Variants in SPATA7 observed in about 807,000 individuals in gnomAD.
SPATA7 encodes spermatogenesis-associated protein 7.
In SPATA7, 43 loss-of-function variants were observed where a neutral mutation model predicts 51.8. The ratio of observed to expected loss-of-function variants is 0.83; its 90% CI spans 0.65 to 1.07. The LOEUF is 1.07. Among genes scored for constraint, SPATA7 ranks in the 50% least tolerant of loss-of-function variants. SPATA7 has a pLI of 0.00. For synonymous variants in SPATA7, 230 were observed against 252.8 expected, an observed-to-expected ratio of 0.91 and a Z score of 0.86; for missense variants, 683 against 701.3, an observed-to-expected ratio of 0.97 and a Z score of 0.30.
At chr14:88,420,929 C>T (rs1319933296) in intron 5 of SPATA7, among the ~76,000 whole-genome samples, 1 of 151,944 alleles carries the variant, frequency 6.6e-6, no homozygotes, top group East Asian at 1.9e-4. Flanking sequence ...TCCTGGCCAA[C>T]ATGGTGAAAC....
intron 4 of SPATA7, among the ~76,000 whole-genome samples, chr14:88,398,063 G>A (rs1004929699): frequency 2.0e-5 from 3 of 149,384 alleles, no homozygotes; most frequent in African/African-American, 7.4e-5. Context: ...GCCTGGGCGA[G>A]AGAGCAAGAC....
chr14:88,446,680 G>T (rs947793743), intron 3 of SPATA7, among the ~76,000 whole-genome samples: 6 of 151,622 alleles, frequency 4.0e-5, no homozygotes, highest in Admixed American at 6.6e-5. Context: ...TCTGGTATGT[G>T]GTGTCTTTGT....
At chr14:88,448,127 A>G (rs1371128569) in intron 3 of SPATA7, among the ~76,000 whole-genome samples, 1 of 152,128 alleles carries the variant, frequency 6.6e-6, no homozygotes, top group African/African-American at 2.4e-5. Context: ...TACACCAATC[A>G]GACGTAGATT....
chr14:88,433,133 A>G lies in SPATA7; in HGVS notation c.1083-2A>G, dbSNP rs2076984386. 1 of 1,609,986 alleles carries G rather than the reference A, an allele frequency of 6.2e-7. No homozygotes were observed. Among genetic ancestry groups the G allele is most frequent in the Non-Finnish European group, 8.5e-7 (1 of 1,178,022 alleles). The stretch of plus-strand genomic sequence containing the variant: ...ATGCTATATATTGCCTTCCTTTTAC[A>G]GTGAAGAAGAACTGTTGTATCTGAG... On this transcript the variant is annotated splice_acceptor_variant, in intron 9 of 11. Transcript: ENST00000393545. LOFTEE classifies it high-confidence loss of function.
chr14:88,430,920 C>A (rs73327464), intron 8 of SPATA7, among the ~76,000 whole-genome samples: 5,375 of 152,142 alleles, frequency 0.035, 314 homozygotes, highest in African/African-American at 0.12. Flanking sequence ...TGTAATTCAC[C>A]ATACTCCAAA....
downstream of SPATA7, among the ~76,000 whole-genome samples, chr14:88,457,531 GTGAT>G (rs2077291834): frequency 6.6e-6 from 1 of 152,170 alleles, no homozygotes; most frequent in African/African-American, 2.4e-5. Context: ...CTGTTCGTCT[GTGAT>G]TTGTGTATAA....
intron 3 of SPATA7, among the ~76,000 whole-genome samples, chr14:88,452,851 T>G (rs1400036457): frequency 6.6e-6 from 1 of 152,194 alleles, no homozygotes; most frequent in Non-Finnish European, 1.5e-5. Flanking sequence ...CCAGTTCATG[T>G]CCTGCCATCC....
chr14:88,433,918 A>G (rs1056674280), intron 10 of SPATA7, among the ~76,000 whole-genome samples: 2 of 152,210 alleles, frequency 1.3e-5, no homozygotes, highest in Non-Finnish European at 2.9e-5. Flanking sequence ...AAAAAGGCAT[A>G]TCAAAAAGAC....
chr14:88,420,222 G>C (rs1488418144), intron 5 of SPATA7, among the ~76,000 whole-genome samples: 1 of 152,136 alleles, frequency 6.6e-6, no homozygotes, highest in South Asian at 2.1e-4. Flanking sequence ...GGAAAAGCCT[G>C]CAAGAGGTAC....
chr14:88,411,149 C>A (rs190191799), intron 4 of SPATA7, among the ~76,000 whole-genome samples: 83 of 152,292 alleles, frequency 5.5e-4, no homozygotes, highest in African/African-American at 1.9e-3. Flanking sequence ...GTCTGAACTT[C>A]CTGGCGGCTT....
At chr14:88,407,701 G>A (rs528972338) in intron 4 of SPATA7, among the ~76,000 whole-genome samples, 2 of 152,304 alleles carry the variant, frequency 1.3e-5, no homozygotes, top group East Asian at 3.9e-4. Context: ...GTCCTGAATG[G>A]TATTGCCTAG....
At chr14:88,393,729 A>G in intron 3 of SPATA7, 1 of 319,062 alleles carries the variant, frequency 3.1e-6, no homozygotes, top group Non-Finnish European at 5.8e-6. Context: ...TCTATTGCTA[A>G]TAATATTTTG....
intron 4 of SPATA7, among the ~76,000 whole-genome samples, chr14:88,406,527 T>C (rs941994946): frequency 6.6e-6 from 1 of 152,028 alleles, no homozygotes; most frequent in Non-Finnish European, 1.5e-5. Context: ...TGATCTTTAA[T>C]CAATTTGTAA....
chr14:88,393,567 A>G (rs771501362), intron 3 of SPATA7, 79 bp downstream of exon 3: 35 of 994,934 alleles, frequency 3.5e-5, no homozygotes, highest in Non-Finnish European at 5.0e-5. Flanking sequence ...TATCTATAGC[A>G]AAAATGAATA....
intron 4 of SPATA7, among the ~76,000 whole-genome samples, chr14:88,404,086 A>G (rs1481501611): frequency 6.6e-6 from 1 of 152,180 alleles, no homozygotes; most frequent in Non-Finnish European, 1.5e-5. Context: ...ATATAAACTT[A>G]AATAGAATGG....
intron 3 of SPATA7, among the ~76,000 whole-genome samples, chr14:88,394,896 T>C (rs1213722180): frequency 6.6e-6 from 1 of 152,162 alleles, no homozygotes; most frequent in African/African-American, 2.4e-5. Context: ...GCCTTATTAC[T>C]TCCCATCTGT....
chr14:88,459,734 T>C (rs921460235), downstream of SPATA7, among the ~76,000 whole-genome samples: 1 of 152,226 alleles, frequency 6.6e-6, no homozygotes, highest in Non-Finnish European at 1.5e-5. Context: ...AATATTGTTA[T>C]GTGTGAACTT....
chr14:88,468,050 T>C, intron 4 of SPATA7: 1 of 1,499,376 alleles, frequency 6.7e-7, no homozygotes, highest in East Asian at 2.3e-5. Context: ...GGATCAAGTG[T>C]CAACGGGAAA....
At chr14:88,457,394 AT>A (rs1190185572), downstream of SPATA7, among the ~76,000 whole-genome samples, 2 of 152,064 alleles carry the variant, frequency 1.3e-5, no homozygotes, top group Non-Finnish European at 2.9e-5. Context: ...GTCTTCTTTT[AT>A]TTCATTGAGC....
Sources: allele counts gnomAD v4.1 joint callset (sites outside exome capture counted in the v4.1 genomes callset), GRCh38; gene constraint gnomAD v4.1.1; transcripts MANE v1.5; gene names NCBI Gene and HGNC (gene_info 2026-07-23, HGNC 2026-07-21).